POU6F2: variants seen among roughly 807,000 people sequenced by gnomAD.
The protein encoded by POU6F2 is POU domain, class 6, transcription factor 2.
A neutral mutation model predicts 71.3 loss-of-function variants in POU6F2; 31 were observed. The ratio of observed to expected loss-of-function variants is 0.43; its 90% confidence interval spans 0.33 to 0.59. The LOEUF is 0.59. Among genes scored for constraint, POU6F2 ranks in the 20% least tolerant of loss-of-function variants. The probability of loss-of-function intolerance (pLI) is 0.04; values close to 1 mark genes in which losing one functional copy is unlikely to be tolerated. For synonymous variants in POU6F2, 347 were observed against 355.7 expected, an observed-to-expected ratio of 0.98 and a Z score of 0.27; for missense variants, 783 against 856.8, an observed-to-expected ratio of 0.91 and a Z score of 1.07.
intron 2 of POU6F2, among the ~76,000 whole-genome samples, chr7:39,093,692 A>C (rs1791398701): frequency 6.6e-6 from 1 of 152,142 alleles, no homozygotes; most frequent in Non-Finnish European, 1.5e-5. Flanking sequence ...AAGTTTGTGA[A>C]AGCCAAGAAA....
intron 5 of POU6F2, among the ~76,000 whole-genome samples, chr7:39,341,809 C>T (rs894072993): frequency 6.6e-6 from 1 of 152,116 alleles, no homozygotes; most frequent in African/African-American, 2.4e-5. Flanking sequence ...TTCTGTTGGC[C>T]AGTGAGATCC....
chr7:39,363,067 G>A (rs1786426125), intron 5 of POU6F2, among the ~76,000 whole-genome samples: 1 of 152,162 alleles, frequency 6.6e-6, no homozygotes, highest in Non-Finnish European at 1.5e-5. Context: ...GCTATAAAGA[G>A]GTCAGACTGC....
At chr7:39,452,480 C>T (rs1055994937) in intron 8 of POU6F2, among the ~76,000 whole-genome samples, 3 of 152,156 alleles carry the variant, frequency 2.0e-5, no homozygotes, top group African/African-American at 7.2e-5. Flanking sequence ...TTGCAATTCA[C>T]CAGGGACCAA....
intron 1 of POU6F2, chr7:39,006,834 CA>C: frequency 6.2e-7 from 1 of 1,613,368 alleles, no homozygotes; most frequent in East Asian, 2.2e-5. Context: ...TATAATGATC[CA>C]AGAGGAAGTG....
intron 4 of POU6F2, among the ~76,000 whole-genome samples, chr7:39,337,621 G>A (rs17171574): frequency 0.043 from 6,475 of 152,080 alleles, 180 homozygotes; most frequent in African/African-American, 0.078. Flanking sequence ...GAGCCACTTC[G>A]ATGCACTATA....
At chr7:39,112,331 A>T (rs1409612268) in intron 2 of POU6F2, among the ~76,000 whole-genome samples, 1 of 152,222 alleles carries the variant, frequency 6.6e-6, no homozygotes, top group Non-Finnish European at 1.5e-5. Context: ...CCTTACAAAG[A>T]AGTGCTCGCT....
intron 1 of POU6F2, among the ~76,000 whole-genome samples, chr7:39,058,031 C>T (rs938062414): frequency 6.6e-6 from 1 of 152,166 alleles, no homozygotes; most frequent in African/African-American, 2.4e-5. Context: ...CTGCGGGTAC[C>T]CAGTCTGTTA....
intron 1 of POU6F2, among the ~76,000 whole-genome samples, chr7:38,999,711 T>C (rs1335240275): frequency 6.6e-6 from 1 of 152,198 alleles, no homozygotes; most frequent in Non-Finnish European, 1.5e-5. Context: ...TACGTGCTTT[T>C]TGCAATGACA....
Position 39,464,066 on chromosome 7 carries a change from G to C in POU6F2, c.1659-116G>C. On this transcript the variant is annotated intron_variant, in intron 9 of 9. Coordinates refer to ENST00000518318, the MANE Select transcript of POU6F2 (RefSeq NM_001370959.1). This position sits in a 1 kb window ranked among gnomAD's most constrained non-coding sequence, Gnocchi z 4.1. The stretch of plus-strand genomic sequence containing the variant: ...CTTGGGCAGGGCTGGCTACCTTGCA[G>C]CTGGCTATTAACCTGCAGTAAATTC... The C allele has an allele frequency of 7.3e-7, 1 of 1,365,224 alleles. No individual in the cohort carries two copies. Among genetic ancestry groups the C allele is most frequent in the Non-Finnish European group, 1.0e-6 (1 of 993,500 alleles). The allele number at this position is 1,365,224 out of a possible 1,614,324, so 84.6% of individuals were successfully genotyped here. A position where few individuals can be genotyped will look rare whatever the true frequency, so the allele number is the denominator to read the frequency against.
At chr7:39,102,329 C>T (rs1039502054) in intron 2 of POU6F2, among the ~76,000 whole-genome samples, 1 of 152,166 alleles carries the variant, frequency 6.6e-6, no homozygotes, top group Non-Finnish European at 1.5e-5. Flanking sequence ...TTGCCTTCTG[C>T]TGCTTTCCAA....
In POU6F2 at chr7:39,460,630, C is replaced by T. The variant is rs778739877; in HGVS notation, c.1573C>T (p.Leu525=). 6.2e-7 allele frequency: 1 copy of T among 1,610,510 alleles called. No homozygotes were observed. The highest frequency in any genetic ancestry group is 1.1e-5 in the South Asian group (1 of 90,128). ...EFAKAFKIRR[L]SLGLTQTQVG... ...TGCCAAAGCTTTTAAAATCCGGCGC[C>T]TGTCCCTTGGCCTGACCCAGACTCA... is the stretch of plus-strand genomic sequence containing the variant. Residue 525 remains leucine, a synonymous_variant, in exon 9 of 10, where the codon CTG becomes TTG. Coordinates refer to ENST00000518318, the MANE Select transcript of POU6F2 (RefSeq NM_001370959.1). This position sits in a 1 kb window ranked among gnomAD's most constrained non-coding sequence, Gnocchi z 4.4.
At chr7:39,181,615 G>A (rs1793436233) in intron 2 of POU6F2, among the ~76,000 whole-genome samples, 1 of 152,094 alleles carries the variant, frequency 6.6e-6, no homozygotes, top group Non-Finnish European at 1.5e-5. Context: ...AAAATCCATG[G>A]TCTCCAACCT....
intron 1 of POU6F2, among the ~76,000 whole-genome samples, chr7:39,047,497 GATTTTCAGATTGTTCATTACTAGT>G: frequency 6.6e-6 from 1 of 151,770 alleles, no homozygotes; most frequent in South Asian, 2.1e-4. Context: ...TTCTTGATTT[GATTTTCAGATTGTTCATTACTAGT>G]ATTTGCAACG....
intron 4 of POU6F2, among the ~76,000 whole-genome samples, chr7:39,244,026 C>G (rs1480082935): frequency 6.6e-6 from 1 of 152,130 alleles, no homozygotes; most frequent in African/African-American, 2.4e-5. Flanking sequence ...TAATGGCAGT[C>G]TTTCCCTGGT....
intron 5 of POU6F2, among the ~76,000 whole-genome samples, chr7:39,356,990 A>G (rs1379938530): frequency 6.6e-6 from 1 of 152,234 alleles, no homozygotes; most frequent in African/African-American, 2.4e-5. Context: ...TACCATCTCA[A>G]TAACACATGG....
intron 1 of POU6F2, chr7:39,013,348 C>G (rs1327960464): frequency 1.1e-4 from 17 of 152,498 alleles, no homozygotes; most frequent in Admixed American, 1.1e-3. Flanking sequence ...TGACCCCTTG[C>G]GCTTCCCAAG....
intron 5 of POU6F2, among the ~76,000 whole-genome samples, chr7:39,400,615 A>T (rs1349992175): frequency 6.6e-6 from 1 of 150,908 alleles, no homozygotes; most frequent in African/African-American, 2.4e-5. Flanking sequence ...CCCTACAAAC[A>T]CTCCAGAGCC....
chr7:39,206,830 A>G (rs1432548592), intron 3 of POU6F2, among the ~76,000 whole-genome samples: 2 of 152,212 alleles, frequency 1.3e-5, no homozygotes, highest in Admixed American at 1.3e-4. Flanking sequence ...AAGGGGGATA[A>G]ATATTTTTGC....
chr7:39,326,273 G>T (rs537408661), intron 4 of POU6F2, among the ~76,000 whole-genome samples: 3 of 152,288 alleles, frequency 2.0e-5, no homozygotes, highest in Non-Finnish European at 4.4e-5. Context: ...CAACCACTTG[G>T]TTATCCACGT....
Sources: gnomAD v4.1 joint callset for allele counts (sites outside exome capture counted in the v4.1 genomes callset) on GRCh38, gnomAD v4.1.1 for gene constraint, Gnocchi (gnomAD v3.1) non-coding constraint, MANE v1.5 for transcripts, NCBI Gene and HGNC (gene_info 2026-07-23, HGNC 2026-07-21) for gene names.